The following PARL variants were observed in gnomAD, a reference collection of about 807,000 sequenced individuals.
PARL encodes presenilin-associated rhomboid-like protein, mitochondrial.
PARL carries 44 observed loss-of-function variants against 51.6 expected under a neutral mutation model. The ratio of observed to expected loss-of-function variants is 0.85; its 90% CI spans 0.67 to 1.10. The LOEUF (loss-of-function observed/expected upper bound fraction) is 1.10, where lower values mean the gene tolerates loss of function less well. Among genes scored for constraint, PARL ranks in the 50% least tolerant of loss-of-function variants. PARL has a pLI of 0.00. For missense variants in PARL, 441 were observed against 469.5 expected, an observed-to-expected ratio of 0.94 and a Z score of 0.56; for synonymous variants, 172 against 164.0, an observed-to-expected ratio of 1.05 and a Z score of -0.37.
intron 6 of PARL, 109 bp from the exon 7 acceptor site, chr3:183,840,749 C>G: frequency 1.6e-6 from 1 of 635,556 alleles, no homozygotes; most frequent in African/African-American, 1.9e-5. Flanking sequence ...TCTTTCGCCC[C>G]GGCTGCTGAA....
In PARL at chr3:183,866,660, T is replaced by G. The variant is rs35450106; in HGVS notation, c.427A>C (p.Ile143Leu). Residue 143 changes from isoleucine (I) to leucine (L), a missense_variant, in exon 3 of 10, where the codon ATA (isoleucine) becomes CTA (leucine). Ile to Leu is a conservative substitution (Grantham distance 5). Coordinates refer to ENST00000317096, the MANE Select transcript of PARL (RefSeq NM_018622.7). ...AAGTCTCCTTCTTTTTGTGGTCTTA[T>G]GCTATCCAACCAATCAGCTTTTATA... ...DGIKADWLDS[I>L]RPQKEGDFRK... is the part of the protein sequence containing the mutation. 55 of 1,612,032 alleles carry G rather than the reference T, an allele frequency of 3.4e-5. No homozygotes were observed. Among genetic ancestry groups the G allele is most frequent in the Non-Finnish European group, 4.5e-5 (53 of 1,179,500 alleles).
chr3:183,851,188 T>C (rs1262033323), intron 4 of PARL, among the ~76,000 whole-genome samples: 1 of 152,216 alleles, frequency 6.6e-6, no homozygotes, highest in African/African-American at 2.4e-5. Flanking sequence ...AGAGCTAAAA[T>C]TTTAAAGCTC....
chr3:183,854,508 T>C (rs1469998600), intron 4 of PARL, among the ~76,000 whole-genome samples: 1 of 152,150 alleles, frequency 6.6e-6, no homozygotes, highest in Non-Finnish European at 1.5e-5. Context: ...TTTATGATTC[T>C]ACTTGTATGA....
At chr3:183,840,143 C>T (rs1729118134) in intron 7 of PARL, among the ~76,000 whole-genome samples, 1 of 152,196 alleles carries the variant, frequency 6.6e-6, no homozygotes, top group African/African-American at 2.4e-5. Context: ...GATCATCTTG[C>T]TCACCAGCTG....
intron 6 of PARL, among the ~76,000 whole-genome samples, chr3:183,841,237 G>A (rs1417119549): frequency 6.6e-6 from 1 of 152,128 alleles, no homozygotes; most frequent in Admixed American, 6.5e-5. Flanking sequence ...AACCTCCTAT[G>A]GAGCAGGAAT....
chr3:183,829,734 ACATT>A (rs756925064), intron 9 of PARL, 25 bp from the exon 10 acceptor site: 2 of 1,573,946 alleles, frequency 1.3e-6, no homozygotes, highest in Non-Finnish European at 1.7e-6. Flanking sequence ...ACCAGGTCCG[ACATT>A]CAAACAGTGT....
At chr3:183,884,263 C>T (rs1298006127) in intron 1 of PARL, among the ~76,000 whole-genome samples, 1 of 152,226 alleles carries the variant, frequency 6.6e-6, no homozygotes, top group African/African-American at 2.4e-5. Context: ...TTGCCAGACA[C>T]AAAGTGATAC....
At chr3:183,881,349 T>C (rs1480008422) in intron 1 of PARL, among the ~76,000 whole-genome samples, 1 of 152,132 alleles carries the variant, frequency 6.6e-6, no homozygotes. Context: ...CTAGAACTCC[T>C]GACCTCAGGT....
intron 1 of PARL, among the ~76,000 whole-genome samples, chr3:183,873,594 C>T (rs1244483554): frequency 5.9e-5 from 9 of 151,834 alleles, no homozygotes; most frequent in African/African-American, 2.2e-4. Flanking sequence ...CAAGTTGTAA[C>T]CCAGTAATCT....
intron 4 of PARL, among the ~76,000 whole-genome samples, chr3:183,853,968 G>A (rs542773483): frequency 9.8e-5 from 15 of 152,312 alleles, no homozygotes; most frequent in African/African-American, 3.1e-4. Flanking sequence ...GCCAGGTGTG[G>A]TGGCTCATGC....
intron 1 of PARL, among the ~76,000 whole-genome samples, chr3:183,878,273 GCTGCAAGGT>G (rs1734070908): frequency 6.6e-6 from 1 of 152,172 alleles, no homozygotes; most frequent in African/African-American, 2.4e-5. Context: ...AAAGGCAAAA[GCTGCAAGGT>G]CTTCTGAGGC....
chr3:183,882,561 T>G (rs556561450), intron 1 of PARL, among the ~76,000 whole-genome samples: 1 of 152,180 alleles, frequency 6.6e-6, no homozygotes, highest in Non-Finnish European at 1.5e-5. Flanking sequence ...AACTGGCAAA[T>G]TAAACAGGTT....
chr3:183,870,755 C>T (rs1259965795), intron 1 of PARL, among the ~76,000 whole-genome samples: 1 of 152,154 alleles, frequency 6.6e-6, no homozygotes, highest in Non-Finnish European at 1.5e-5. Flanking sequence ...TTGCCACTTC[C>T]TCCCTCTGCC....
At chr3:183,861,538 A>G (rs1158460168) in intron 4 of PARL, among the ~76,000 whole-genome samples, 3 of 152,238 alleles carry the variant, frequency 2.0e-5, no homozygotes, top group African/African-American at 4.8e-5. Flanking sequence ...TGAAAGCTGC[A>G]TCGGGTTCCA....
At chr3:183,853,611 G>A (rs539684731) in intron 4 of PARL, among the ~76,000 whole-genome samples, 3 of 152,164 alleles carry the variant, frequency 2.0e-5, no homozygotes, top group East Asian at 3.9e-4. Context: ...CAAATAACTC[G>A]AGTACTTGAA....
intron 3 of PARL, 88 bp from the exon 4 acceptor site, chr3:183,862,889 G>C: frequency 1.0e-6 from 1 of 997,516 alleles, no homozygotes; most frequent in Non-Finnish European, 1.6e-6. Context: ...TCGCACATAA[G>C]AGGAATTCCT....
At chr3:183,830,983 C>A (rs1408050561) in intron 9 of PARL, among the ~76,000 whole-genome samples, 2 of 152,082 alleles carry the variant, frequency 1.3e-5, no homozygotes, top group African/African-American at 4.8e-5. Flanking sequence ...TTTCCCAAAT[C>A]TTTTTTGTTG....
At position 183,862,764 on chromosome 3, in the gene PARL, C is replaced by T. The variant is rs768880973; in HGVS notation, c.500G>A (p.Arg167Gln). The change falls in exon 4 of 10, where the codon CGG becomes CAG. Residue 167 changes from arginine (R) to glutamine (Q), a missense_variant. Arg to Gln is a conservative substitution (Grantham distance 43). Transcript: ENST00000317096. ...AAGCTAACACAAACCTGTCACAGTC[C>T]GCTGGCCATCACTTAGGTTATTCCA... The part of the protein sequence containing the change: ...KWWNNLSDGQ[R>Q]TVTGIIAANV... The T allele has an allele frequency of 1.9e-5, 30 of 1,613,230 alleles. No homozygotes were observed. Among genetic ancestry groups the T allele is most frequent in the East Asian group, 6.7e-5 (3 of 44,884 alleles).
intron 1 of PARL, among the ~76,000 whole-genome samples, 197 bp downstream of exon 1, chr3:183,884,525 C>G (rs1187790204): frequency 1.3e-5 from 2 of 152,136 alleles, no homozygotes; most frequent in Non-Finnish European, 2.9e-5. Flanking sequence ...AGCGCAGGCT[C>G]GCGGGGGGCT....
Sources: gnomAD v4.1 joint callset for allele counts (sites outside exome capture counted in the v4.1 genomes callset) on GRCh38, gnomAD v4.1.1 for gene constraint, MANE v1.5 for transcripts, NCBI Gene and HGNC (gene_info 2026-07-23, HGNC 2026-07-21) for gene names.